Variants in GABBR2 observed in about 807,000 individuals in gnomAD.
The protein encoded by GABBR2 is gamma-aminobutyric acid type B receptor subunit 2.
GABBR2 carries 23 observed loss-of-function variants against 105.6 expected under a neutral mutation model. The observed-to-expected ratio is 0.22, with a 90% CI of 0.16 to 0.31. The LOEUF (loss-of-function observed/expected upper bound fraction) is 0.31. Ranked by LOEUF, GABBR2 falls within the 10% of genes least tolerant of loss-of-function variation. The pLI, the probability that GABBR2 is intolerant of heterozygous loss-of-function variation, is 1.00. For synonymous variants in GABBR2, 478 were observed against 499.7 expected (o/e 0.96, Z 0.58); for missense variants, 734 against 1,245.5 (o/e 0.59, Z 6.18).
At chr9:98,615,466 C>T (rs778031323) in intron 1 of GABBR2, among the ~76,000 whole-genome samples, 28 of 152,180 alleles carry the variant, frequency 1.8e-4, no homozygotes, top group Admixed American at 1.2e-3. Flanking sequence ...TTTTAAAATG[C>T]AATTTAGACA....
chr9:98,501,947 G>A lies in GABBR2; in HGVS notation c.631-5433C>T, dbSNP rs553270279. Reference sequence around the variant, plus strand: ...TCAGCTGTCTGAACAGCAGAGACGAGCGCGTCTGCCCACAACCTCCCTCCC... The same window carrying A: ...TCAGCTGTCTGAACAGCAGAGACGAACGCGTCTGCCCACAACCTCCCTCCC... On this transcript the variant is annotated intron_variant, in intron 3 of 18. Transcript: ENST00000259455. Among the ~76,000 whole-genome samples, 25 of 152,292 alleles carry A rather than the reference G, an allele frequency of 1.6e-4. No homozygotes were observed. In the South Asian group the frequency reaches 4.8e-3, roughly 29 times the overall value.
At chr9:98,565,072 G>C (rs558423959) in intron 2 of GABBR2, among the ~76,000 whole-genome samples, 1 of 152,158 alleles carries the variant, frequency 6.6e-6, no homozygotes, top group East Asian at 1.9e-4. Context: ...GAGGGGAAAG[G>C]ACCAGACGGG....
intron 7 of GABBR2, among the ~76,000 whole-genome samples, chr9:98,447,641 A>G (rs1331589405): frequency 1.3e-5 from 2 of 152,036 alleles, no homozygotes; most frequent in Admixed American, 6.6e-5. Context: ...GCGAGGCAAC[A>G]GTGGGGATGA....
At chr9:98,664,049 G>C (rs1767836153) in intron 1 of GABBR2, among the ~76,000 whole-genome samples, 1 of 152,164 alleles carries the variant, frequency 6.6e-6, no homozygotes, top group Non-Finnish European at 1.5e-5. Flanking sequence ...CCACCCAGTG[G>C]TATGTCCCTC....
At chr9:98,572,888 G>T (rs932856900) in intron 2 of GABBR2, among the ~76,000 whole-genome samples, 1 of 152,166 alleles carries the variant, frequency 6.6e-6, no homozygotes, top group Non-Finnish European at 1.5e-5. Flanking sequence ...TCCACGTCCA[G>T]TTGCAGCCGT....
intron 13 of GABBR2, among the ~76,000 whole-genome samples, chr9:98,318,358 G>C (rs1488813611): frequency 6.6e-6 from 1 of 152,216 alleles, no homozygotes; most frequent in African/African-American, 2.4e-5. Flanking sequence ...GTCTGGTTAA[G>C]AACGCAGATT....
intron 3 of GABBR2, among the ~76,000 whole-genome samples, chr9:98,503,963 A>G (rs1827454761): frequency 6.6e-6 from 1 of 152,110 alleles, no homozygotes; most frequent in Non-Finnish European, 1.5e-5. Context: ...TAAAGTGGCT[A>G]CTGATTGGGG....
At chr9:98,462,515 A>T (rs1460026984) in intron 6 of GABBR2, among the ~76,000 whole-genome samples, 4 of 152,240 alleles carry the variant, frequency 2.6e-5, no homozygotes, top group Admixed American at 1.3e-4. Context: ...TTCACAAAAA[A>T]GGGTATCAAA....
chr9:98,343,886 C>T (rs1330255193), intron 13 of GABBR2, among the ~76,000 whole-genome samples: 1 of 152,060 alleles, frequency 6.6e-6, no homozygotes, highest in Non-Finnish European at 1.5e-5. Context: ...AGAAAAAAAT[C>T]CCATATGGAG....
intron 11 of GABBR2, 104 bp from the exon 12 acceptor site, chr9:98,371,675 A>G: frequency 1.5e-6 from 1 of 675,374 alleles, no homozygotes; most frequent in Non-Finnish European, 2.7e-6. Flanking sequence ...GGGGACAAAT[A>G]CTCCCCTCTG....
chr9:98,368,716 T>C (rs979396128), intron 12 of GABBR2, among the ~76,000 whole-genome samples: 2 of 152,204 alleles, frequency 1.3e-5, no homozygotes, highest in Middle Eastern at 3.2e-3. Context: ...GAACCAATAC[T>C]GTGCTTCTTC....
At chr9:98,469,376 T>C (rs956793605) in intron 6 of GABBR2, among the ~76,000 whole-genome samples, 1 of 152,164 alleles carries the variant, frequency 6.6e-6, no homozygotes, top group Non-Finnish European at 1.5e-5. Context: ...ATGGCCCCCA[T>C]GATTCAATCA....
chr9:98,573,292 T>G (rs1828860126), intron 2 of GABBR2, among the ~76,000 whole-genome samples: 1 of 152,212 alleles, frequency 6.6e-6, no homozygotes, highest in Non-Finnish European at 1.5e-5. Flanking sequence ...CTTATTATTT[T>G]TTTTAATAGA....
At position 98,402,707 on chromosome 9, in the gene GABBR2, T is replaced by C. The variant is rs1832415583; in HGVS notation, c.1297+3374A>G. ...CTCTGGGAAAAGAGCCAAACACACC[T>C]GGGAGTTGCCTCACCCAAGGGGAAA... On this transcript the variant is annotated intron_variant, in intron 8 of 18. Coordinates refer to ENST00000259455, the MANE Select transcript of GABBR2 (RefSeq NM_005458.8). 2.0e-5 allele frequency among the ~76,000 whole-genome samples: 3 copies of C among 152,106 alleles called. No homozygotes were observed. The South Asian group carries it at 6.2e-4, about 32-fold the overall frequency.
chr9:98,339,284 CAAAAAAAA>C (rs9299286), intron 13 of GABBR2, among the ~76,000 whole-genome samples: 5 of 133,654 alleles, frequency 3.7e-5, no homozygotes, highest in African/African-American at 1.0e-4. Flanking sequence ...AATTATATCT[CAAAAAAAA>C]AAAAAAAAAA....
chr9:98,463,690 T>C (rs1485584288), intron 6 of GABBR2, among the ~76,000 whole-genome samples: 1 of 151,692 alleles, frequency 6.6e-6, no homozygotes, highest in Non-Finnish European at 1.5e-5. Flanking sequence ...GCCTGGGCAG[T>C]ACTGCCGTGA....
At chr9:98,519,295 G>T (rs893120545) in intron 3 of GABBR2, among the ~76,000 whole-genome samples, 7 of 152,340 alleles carry the variant, frequency 4.6e-5, no homozygotes, top group Middle Eastern at 3.4e-3. Context: ...CTTAACACCT[G>T]GTGCCCAGCG....
intron 2 of GABBR2, among the ~76,000 whole-genome samples, chr9:98,543,593 G>A (rs981409794): frequency 6.6e-6 from 1 of 152,020 alleles, no homozygotes; most frequent in Non-Finnish European, 1.5e-5. Context: ...TTGAACCCCT[G>A]GGCTCAAGCC....
In GABBR2 at chr9:98,306,985, C is replaced by T. The variant is rs1270914920; in HGVS notation, c.2005-640G>A. ...GGAAGAGGTGTTGCTTTTCCTCCTT[C>T]CTAACAGCTGGAGTGGAATGTGATG... is the stretch of plus-strand genomic sequence containing the variant. On this transcript the variant is annotated intron_variant, in intron 14 of 18. Transcript: ENST00000259455. The surrounding 1 kb of genome is among the most constrained non-coding windows in gnomAD (Gnocchi z 5.4). Among the ~76,000 whole-genome samples, 1 of 152,184 alleles carries T rather than the reference C, an allele frequency of 6.6e-6. No homozygotes were observed. Among genetic ancestry groups the T allele is most frequent in the African/African-American group, 2.4e-5 (1 of 41,438 alleles).
Sources: gnomAD v4.1 joint callset for allele counts (sites outside exome capture counted in the v4.1 genomes callset) on GRCh38, gnomAD v4.1.1 for gene constraint, Gnocchi (gnomAD v3.1) non-coding constraint, MANE v1.5 for transcripts, NCBI Gene and HGNC (gene_info 2026-07-23, HGNC 2026-07-21) for gene names.